DAPP1: variants seen among roughly 807,000 people sequenced by gnomAD.
The protein encoded by DAPP1 is dual adaptor of phosphotyrosine and 3-phosphoinositides 1, also known as dual adapter for phosphotyrosine and 3-phosphotyrosine and 3-phosphoinositide.
In DAPP1, 20 loss-of-function variants were observed where a neutral mutation model predicts 41.5. The observed-to-expected ratio is 0.48, with a 90% CI of 0.34 to 0.70. DAPP1 has a LOEUF of 0.70. Ranked by LOEUF, DAPP1 falls within the 30% of genes least tolerant of loss-of-function variation. The probability of loss-of-function intolerance (pLI) is 0.01; values close to 1 mark genes in which losing one functional copy is unlikely to be tolerated. For synonymous variants in DAPP1, 113 were observed against 116.2 expected, an observed-to-expected ratio of 0.97 and a Z score of 0.18; for missense variants, 233 against 333.4, an observed-to-expected ratio of 0.70 and a Z score of 2.35.
chr4:99,831,812 C>T (rs1020072312), intron 1 of DAPP1, among the ~76,000 whole-genome samples: 2 of 152,166 alleles, frequency 1.3e-5, no homozygotes, highest in African/African-American at 2.4e-5. Flanking sequence ...AAAAATATCA[C>T]ATTATTATTG....
chr4:99,818,912 G>A (rs1173522920), intron 1 of DAPP1, among the ~76,000 whole-genome samples: 3 of 152,086 alleles, frequency 2.0e-5, no homozygotes, highest in African/African-American at 7.2e-5. Flanking sequence ...GTGTTTTCTT[G>A]TCAAACTCTC....
chr4:99,861,674 C>A, intron 5 of DAPP1, 49 bp downstream of exon 5: 1 of 1,532,502 alleles, frequency 6.5e-7, no homozygotes, highest in South Asian at 1.2e-5. Context: ...AAAGAGAACA[C>A]GTCATGTAGA....
chr4:99,845,444 C>T (rs1045736774), intron 3 of DAPP1, among the ~76,000 whole-genome samples: 3 of 152,192 alleles, frequency 2.0e-5, no homozygotes, highest in African/African-American at 7.2e-5. Context: ...TGAAATTGGT[C>T]CTACAGCGAC....
intron 1 of DAPP1, among the ~76,000 whole-genome samples, chr4:99,819,860 G>A (rs1722707352): frequency 6.6e-6 from 1 of 151,978 alleles, no homozygotes; most frequent in African/African-American, 2.4e-5. Context: ...TGTAAATCCT[G>A]TAAATTGAGC....
intron 6 of DAPP1, among the ~76,000 whole-genome samples, 184 bp from the exon 7 acceptor site, chr4:99,863,586 A>C (rs958822610): frequency 2.6e-5 from 4 of 152,178 alleles, no homozygotes; most frequent in Non-Finnish European, 5.9e-5. Context: ...AGTTTTATGA[A>C]AGGCTCATTC....
chr4:99,862,129 A>C (rs1364643797), intron 5 of DAPP1, among the ~76,000 whole-genome samples: 7 of 152,096 alleles, frequency 4.6e-5, no homozygotes, highest in Non-Finnish European at 1.0e-4. Flanking sequence ...GTTTCATCTC[A>C]ATGTGCCAAG....
In DAPP1 at chr4:99,826,644, T is replaced by C. The variant is rs1722947407; in HGVS notation, c.102-8979T>C. On this transcript the variant is annotated intron_variant, in intron 1 of 8. Transcript: ENST00000512369. ...GTGTCCACCAGTTCTTCCAGAATTA[T>C]TTTGCACCACTTCCCAACAGGGACC... is the stretch of plus-strand genomic sequence containing the variant. Among the ~76,000 whole-genome samples the C allele has an allele frequency of 2.0e-5, 3 of 152,228 alleles. No homozygotes were observed. In the East Asian group the frequency reaches 5.8e-4, roughly 29 times the overall value.
Position 99,853,208 on chromosome 4 carries a change from C to T in DAPP1, c.359-10C>T. On this transcript the variant is annotated splice_polypyrimidine_tract_variant and intron_variant, in intron 3 of 8. Coordinates refer to ENST00000512369, the MANE Select transcript of DAPP1 (RefSeq NM_014395.3). The stretch of plus-strand genomic sequence containing the variant: ...CACTGTTCGATTATATATTTTTCAT[C>T]TTCATTCAGGCACTCTGATGGTTCT... 2 of 1,613,596 alleles carry T rather than the reference C, an allele frequency of 1.2e-6. No individual in the cohort carries two copies. Among genetic ancestry groups the T allele is most frequent in the African/African-American group, 1.3e-5 (1 of 75,026 alleles).
At chr4:99,853,395 C>T (rs373393300) in intron 4 of DAPP1, 47 bp downstream of exon 4, 6 of 1,560,046 alleles carry the variant, frequency 3.8e-6, no homozygotes, top group Non-Finnish European at 5.2e-6. Flanking sequence ...TGTCTAAAAT[C>T]AATCAAGTTC....
At chr4:99,830,588 C>T (rs1185789514) in intron 1 of DAPP1, among the ~76,000 whole-genome samples, 1 of 152,172 alleles carries the variant, frequency 6.6e-6, no homozygotes, top group African/African-American at 2.4e-5. Context: ...TGCTGTCCTT[C>T]ATCACTCACT....
intron 3 of DAPP1, among the ~76,000 whole-genome samples, chr4:99,843,528 T>C (rs1723565165): frequency 6.6e-6 from 1 of 152,228 alleles, no homozygotes; most frequent in Admixed American, 6.5e-5. Context: ...CCCTTTCCCT[T>C]GCCATAATCT....
At chr4:99,850,568 G>A (rs899852697) in intron 3 of DAPP1, among the ~76,000 whole-genome samples, 1 of 152,146 alleles carries the variant, frequency 6.6e-6, no homozygotes, top group South Asian at 2.1e-4. Context: ...TGAAGATAAA[G>A]TATAAGAGTT....
intron 3 of DAPP1, among the ~76,000 whole-genome samples, chr4:99,841,706 G>T (rs540689592): frequency 6.6e-6 from 1 of 152,174 alleles, no homozygotes; most frequent in Non-Finnish European, 1.5e-5. Flanking sequence ...ATGTAGAGGA[G>T]ATTTTTAAAG....
At chr4:99,866,519 C>A (rs961590613) in intron 8 of DAPP1, 2 of 763,798 alleles carry the variant, frequency 2.6e-6, no homozygotes, top group Non-Finnish European at 4.8e-6. Flanking sequence ...GCCAGAGGCA[C>A]TTAGCTTAGT....
intron 3 of DAPP1, among the ~76,000 whole-genome samples, chr4:99,852,063 C>G (rs112823263): frequency 3.9e-5 from 6 of 152,214 alleles, no homozygotes; most frequent in African/African-American, 1.4e-4. Context: ...TTACCATGCC[C>G]TATTCATTTT....
intron 3 of DAPP1, among the ~76,000 whole-genome samples, chr4:99,846,706 A>G (rs1374061030): frequency 6.6e-6 from 1 of 152,224 alleles, no homozygotes; most frequent in African/African-American, 2.4e-5. Context: ...GTGGACTCAT[A>G]TAAGTGGTAG....
At chr4:99,854,109 C>T (rs1723963697) in intron 4 of DAPP1, among the ~76,000 whole-genome samples, 1 of 152,094 alleles carries the variant, frequency 6.6e-6, no homozygotes, top group African/African-American at 2.4e-5. Context: ...CTGAAGTTTA[C>T]AGACAGAAAA....
intron 1 of DAPP1, among the ~76,000 whole-genome samples, chr4:99,818,920 C>T (rs556672388): frequency 6.6e-6 from 1 of 152,136 alleles, no homozygotes; most frequent in African/African-American, 2.4e-5. Flanking sequence ...TTGTCAAACT[C>T]TCCAAGTAAT....
At chr4:99,867,895 CA>C (rs1453369101) in intron 8 of DAPP1, among the ~76,000 whole-genome samples, 1 of 151,954 alleles carries the variant, frequency 6.6e-6, no homozygotes, top group African/African-American at 2.4e-5. Context: ...CCAATTTGTA[CA>C]TGTTTTAGCA....
Sources: allele counts gnomAD v4.1 joint callset (sites outside exome capture counted in the v4.1 genomes callset), GRCh38; gene constraint gnomAD v4.1.1; transcripts MANE v1.5; gene names NCBI Gene and HGNC (gene_info 2026-07-23, HGNC 2026-07-21).